Variants in PDE3A observed in about 807,000 individuals in gnomAD.
PDE3A encodes phosphodiesterase 3A.
PDE3A carries 43 observed loss-of-function variants against 98.3 expected under a neutral mutation model. That is an observed-to-expected ratio of 0.44 (90% confidence interval 0.34 to 0.56). The LOEUF (loss-of-function observed/expected upper bound fraction) is 0.56, where lower values mean the gene tolerates loss of function less well. PDE3A is among the 20% of genes least tolerant of loss of function. PDE3A has a pLI of 0.01. For synonymous variants in PDE3A, 663 were observed against 567.9 expected (o/e 1.17, Z -2.38); for missense variants, 1,427 against 1,440.7 (o/e 0.99, Z 0.15).
chr12:20,503,681 T>C (rs937437626), intron 1 of PDE3A, among the ~76,000 whole-genome samples: 3 of 152,146 alleles, frequency 2.0e-5, no homozygotes, highest in Non-Finnish European at 4.4e-5. Flanking sequence ...ATGCATGTTA[T>C]TATGTCATAA....
At chr12:20,551,577 C>T (rs1942199621) in intron 1 of PDE3A, 4 of 1,533,858 alleles carry the variant, frequency 2.6e-6, no homozygotes, top group Non-Finnish European at 3.5e-6. Flanking sequence ...AGCGGGTCTG[C>T]GCCTGCCACC....
chr12:20,422,141 T>C (rs1944525507), intron 1 of PDE3A, among the ~76,000 whole-genome samples: 1 of 152,052 alleles, frequency 6.6e-6, no homozygotes, highest in Admixed American at 6.5e-5. Flanking sequence ...GGTCAGGAGA[T>C]CGAGACCATC....
intron 1 of PDE3A, among the ~76,000 whole-genome samples, chr12:20,455,373 A>C (rs1945136748): frequency 6.6e-6 from 1 of 152,158 alleles, no homozygotes; most frequent in South Asian, 2.1e-4. Flanking sequence ...TGTCAGATGC[A>C]TAGTTTGCAA....
intron 5 of PDE3A, among the ~76,000 whole-genome samples, chr12:20,626,293 A>G (rs1944262683): frequency 6.6e-6 from 1 of 151,988 alleles, no homozygotes; most frequent in African/African-American, 2.4e-5. Context: ...ACGGTCTTCA[A>G]AATATGCATG....
At chr12:20,377,016 C>T (rs1315069339) in intron 1 of PDE3A, among the ~76,000 whole-genome samples, 1 of 151,522 alleles carries the variant, frequency 6.6e-6, no homozygotes, top group African/African-American at 2.4e-5. Flanking sequence ...ATGTTCTTTC[C>T]TCCTGAGAAG....
intron 3 of PDE3A, among the ~76,000 whole-genome samples, chr12:20,615,655 T>C (rs1212812968): frequency 6.6e-6 from 1 of 152,078 alleles, no homozygotes; most frequent in Admixed American, 6.6e-5. Context: ...CCAGAGGCAA[T>C]TGACTCTCAC....
rs1942241851 is a variant in PDE3A, at chr12:20,552,543, G to A, written c.961-4117G>A. 5 of 1,613,466 alleles carry A rather than the reference G, an allele frequency of 3.1e-6. No homozygotes were observed. Among genetic ancestry groups the A allele is most frequent in the East Asian group, 2.2e-5 (1 of 44,818 alleles). ...AGGAGCAGCAGGAGGGGGGCTTCGC[G>A]TCCCCCAGGACGGGCAAGGGCAAGT... On this transcript the variant is annotated intron_variant, in intron 1 of 15. Coordinates refer to ENST00000359062, the MANE Select transcript of PDE3A (RefSeq NM_000921.5). This position sits in a 1 kb window ranked among gnomAD's most constrained non-coding sequence, Gnocchi z 5.1.
intron 5 of PDE3A, among the ~76,000 whole-genome samples, chr12:20,623,160 C>T (rs551021674): frequency 4.0e-5 from 6 of 151,832 alleles, no homozygotes; most frequent in East Asian, 3.9e-4. Context: ...AGAGAAAGAT[C>T]GGAAGAAATT....
intron 2 of PDE3A, among the ~76,000 whole-genome samples, chr12:20,604,831 G>C (rs1028042491): frequency 3.9e-5 from 6 of 152,154 alleles, no homozygotes; most frequent in African/African-American, 1.4e-4. Context: ...CCACTGAAGT[G>C]ACTGGAGTTT....
chr12:20,416,656 T>C (rs77533553), intron 1 of PDE3A, among the ~76,000 whole-genome samples: 398 of 152,350 alleles, frequency 2.6e-3, no homozygotes, highest in Non-Finnish European at 4.4e-3. Context: ...ATCTTTAGGC[T>C]TTTTCTGAAT....
chr12:20,403,660 C>T (rs10841508), intron 1 of PDE3A, among the ~76,000 whole-genome samples: 73,195 of 151,896 alleles, frequency 0.48, 19,067 homozygotes, highest in South Asian at 0.58. Context: ...ATGACAATTC[C>T]GTGATGAAAA....
intron 15 of PDE3A, among the ~76,000 whole-genome samples, chr12:20,666,464 G>A (rs973103340): frequency 2.6e-5 from 4 of 152,180 alleles, no homozygotes; most frequent in Admixed American, 1.3e-4. Context: ...TCTGATGTCT[G>A]TCATTCTACC....
At chr12:20,551,934 G>C in intron 1 of PDE3A, 1 of 1,613,248 alleles carries the variant, frequency 6.2e-7, no homozygotes, top group East Asian at 2.2e-5. Flanking sequence ...TCCGAGTCCA[G>C]GTCAGCGAGT....
intron 2 of PDE3A, among the ~76,000 whole-genome samples, chr12:20,566,800 TTTTG>T (rs1038785369): frequency 6.6e-6 from 1 of 151,906 alleles, no homozygotes; most frequent in East Asian, 1.9e-4. Context: ...TGAATTTTTT[TTTTG>T]TTTGTTTGTT....
In PDE3A at chr12:20,552,946, C is replaced by G. The variant is rs1468935310; in HGVS notation, c.961-3714C>G. ...CGACCTGGGCCGCAGCTATGCCATGCAGGTGAACCAGCCTCTGCAGACCGT... is the reference window on the plus strand; with the variant it reads ...CGACCTGGGCCGCAGCTATGCCATGGAGGTGAACCAGCCTCTGCAGACCGT... On this transcript the variant is annotated intron_variant, in intron 1 of 15. Transcript: ENST00000359062. The surrounding 1 kb of genome is among the most constrained non-coding windows in gnomAD (Gnocchi z 5.1). The G allele has an allele frequency of 7.6e-6, 12 of 1,571,182 alleles. No homozygotes were observed. In the East Asian group the frequency reaches 2.9e-4, roughly 38 times the overall value.
At chr12:20,443,632 T>C (rs1944906133) in intron 1 of PDE3A, among the ~76,000 whole-genome samples, 1 of 152,194 alleles carries the variant, frequency 6.6e-6, no homozygotes, top group Non-Finnish European at 1.5e-5. Context: ...ATAGGTCCCT[T>C]TGCTTTCTTT....
chr12:20,501,486 A>C (rs1946025050), intron 1 of PDE3A, among the ~76,000 whole-genome samples: 2 of 152,180 alleles, frequency 1.3e-5, no homozygotes, highest in Non-Finnish European at 2.9e-5. Context: ...ATAGAAATAA[A>C]ATTATTCTGA....
In PDE3A at chr12:20,638,088, C is replaced by T. The variant is rs538474173; in HGVS notation, c.2139+851C>T. ...ACTTAGGTAAGAATTCAAGACCCAA[C>T]CCAGATCTACTGGGGCCACTAACAC... On this transcript the variant is annotated intron_variant, in intron 9 of 15. Coordinates refer to ENST00000359062, the MANE Select transcript of PDE3A (RefSeq NM_000921.5). Among the ~76,000 whole-genome samples the T allele has an allele frequency of 4.6e-5, 7 of 152,204 alleles. No homozygotes were observed. In the South Asian group the frequency reaches 1.0e-3, roughly 23 times the overall value.
chr12:20,377,860 T>A (rs1476194080), intron 1 of PDE3A, among the ~76,000 whole-genome samples: 2 of 151,822 alleles, frequency 1.3e-5, no homozygotes, highest in Non-Finnish European at 2.9e-5. Flanking sequence ...AGGAGTTTGG[T>A]ATGTAACAGG....
Sources: allele counts gnomAD v4.1 joint callset (sites outside exome capture counted in the v4.1 genomes callset), GRCh38; gene constraint gnomAD v4.1.1; non-coding constraint Gnocchi (gnomAD v3.1); transcripts MANE v1.5; gene names NCBI Gene and HGNC (gene_info 2026-07-23, HGNC 2026-07-21).